The following COL5A2 variants were observed in gnomAD, a reference collection of about 807,000 sequenced individuals.
The protein encoded by COL5A2 is collagen type V alpha 2 chain.
Under a neutral mutation model 208.2 loss-of-function variants are expected in COL5A2, and 23 were observed. That is an observed-to-expected ratio of 0.11 (90% CI 0.08 to 0.16). COL5A2 has a LOEUF of 0.16. Ranked by LOEUF, COL5A2 falls within the 10% of genes least tolerant of loss-of-function variation. COL5A2 has a pLI of 1.00. For synonymous variants in COL5A2, 625 were observed against 628.5 expected (o/e 0.99, Z 0.08); for missense variants, 1,590 against 1,956.4 (o/e 0.81, Z 3.53).
chr2:189,056,372 G>A (rs1430917043), intron 35 of COL5A2, among the ~76,000 whole-genome samples: 1 of 152,104 alleles, frequency 6.6e-6, no homozygotes, highest in East Asian at 1.9e-4. Flanking sequence ...ATTGTCCTTC[G>A]AGTCTGATTG....
intron 1 of COL5A2, among the ~76,000 whole-genome samples, chr2:189,189,534 A>AATG (rs1350154149): frequency 6.6e-6 from 1 of 152,170 alleles, no homozygotes; most frequent in Non-Finnish European, 1.5e-5. Flanking sequence ...AAATAATAAT[A>AATG]ATAAAATAAA....
the COL5A2 span, among the ~76,000 whole-genome samples, chr2:189,243,173 G>A: frequency 6.6e-6 from 1 of 151,800 alleles, no homozygotes; most frequent in Admixed American, 6.6e-5. Context: ...GAGAGTAGAA[G>A]AACACTGGAA....
intron 1 of COL5A2, among the ~76,000 whole-genome samples, chr2:189,142,252 C>A (rs964743651): frequency 6.6e-6 from 1 of 151,970 alleles, no homozygotes; most frequent in Non-Finnish European, 1.5e-5. Context: ...AACATCTATA[C>A]TTCCCTTGAA....
the COL5A2 span, among the ~76,000 whole-genome samples, chr2:189,262,391 A>G: frequency 1.3e-5 from 2 of 151,934 alleles, no homozygotes; most frequent in Admixed American, 1.3e-4. Flanking sequence ...ACACACATAC[A>G]CACTAGTTTA....
chr2:189,083,273 A>C lies in COL5A2; in HGVS notation c.852+711T>G, dbSNP rs147809060. Among the ~76,000 whole-genome samples the C allele has an allele frequency of 1.1e-4, 16 of 152,278 alleles. No homozygotes were observed. The East Asian group carries it at 2.5e-3, about 24-fold the overall frequency. The stretch of plus-strand genomic sequence containing the variant: ...TTCTAGAAGAGGGCCTAGCAAAGCA[A>C]TTTGAGTGACAAGAGACAGGTGGGT... On this transcript the variant is annotated intron_variant, in intron 12 of 53. Coordinates refer to ENST00000374866, the MANE Select transcript of COL5A2 (RefSeq NM_000393.5).
At chr2:189,248,763 C>A in the COL5A2 span, among the ~76,000 whole-genome samples, 1 of 152,092 alleles carries the variant, frequency 6.6e-6, no homozygotes, top group African/African-American at 2.4e-5. Context: ...ACCCAATATT[C>A]TTCTGCAATG....
At chr2:189,120,610 A>G (rs1266437643) in intron 1 of COL5A2, among the ~76,000 whole-genome samples, 1 of 152,194 alleles carries the variant, frequency 6.6e-6, no homozygotes, top group Admixed American at 6.5e-5. Flanking sequence ...TATATCATCT[A>G]TTGATTCTCC....
At chr2:189,368,083 G>A in the COL5A2 span, among the ~76,000 whole-genome samples, 1 of 152,008 alleles carries the variant, frequency 6.6e-6, no homozygotes, top group Non-Finnish European at 1.5e-5. Context: ...ACAAATAATT[G>A]TGTTTCTTTT....
chr2:189,042,301 C>G (rs1000816762), intron 49 of COL5A2, among the ~76,000 whole-genome samples: 10 of 152,212 alleles, frequency 6.6e-5, no homozygotes, highest in African/African-American at 2.4e-4. Flanking sequence ...TTATTTACTT[C>G]CAAATTAGCT....
intron 1 of COL5A2, among the ~76,000 whole-genome samples, chr2:189,149,772 C>A (rs1357801219): frequency 6.6e-6 from 1 of 152,116 alleles, no homozygotes; most frequent in African/African-American, 2.4e-5. Context: ...TGTTTGGAAG[C>A]CTAGCATTAG....
chr2:189,313,310 C>T, the COL5A2 span, among the ~76,000 whole-genome samples: 8 of 152,078 alleles, frequency 5.3e-5, no homozygotes, highest in Admixed American at 1.3e-4. Flanking sequence ...TCCATGAGAA[C>T]GTTCCCAACC....
intron 1 of COL5A2, among the ~76,000 whole-genome samples, chr2:189,197,690 C>T (rs1160757929): frequency 6.6e-6 from 1 of 151,738 alleles, no homozygotes; most frequent in Non-Finnish European, 1.5e-5. Flanking sequence ...AAAAAAGTAG[C>T]CAACTGTGAG....
At chr2:189,035,812 A>G (rs973065084) in intron 52 of COL5A2, among the ~76,000 whole-genome samples, 1 of 152,094 alleles carries the variant, frequency 6.6e-6, no homozygotes, top group Non-Finnish European at 1.5e-5. Flanking sequence ...ATTTCTAGGA[A>G]AAGGTCAGAA....
chr2:189,112,996 T>C (rs1436111105), intron 1 of COL5A2, among the ~76,000 whole-genome samples: 1 of 152,174 alleles, frequency 6.6e-6, no homozygotes, highest in Non-Finnish European at 1.5e-5. Flanking sequence ...GAGAAGGAAA[T>C]ATCCACTTAC....
At chr2:189,207,949 T>C (rs1024209619) in intron 1 of COL5A2, among the ~76,000 whole-genome samples, 2 of 152,236 alleles carry the variant, frequency 1.3e-5, no homozygotes. Flanking sequence ...ATTGTTAAAG[T>C]TATTAAAAAT....
At chr2:189,370,447 C>T in the COL5A2 span, among the ~76,000 whole-genome samples, 2 of 152,148 alleles carry the variant, frequency 1.3e-5, no homozygotes, top group Admixed American at 6.6e-5. Context: ...ATTATATAAA[C>T]TTGTCATAAC....
intron 2 of COL5A2, among the ~76,000 whole-genome samples, chr2:189,108,323 C>G (rs967200306): frequency 1.3e-5 from 2 of 151,616 alleles, no homozygotes; most frequent in Non-Finnish European, 3.0e-5. Context: ...AAACAATAAC[C>G]CCACAGAAAT....
chr2:189,160,503 TA>T (rs1223086241), intron 1 of COL5A2, among the ~76,000 whole-genome samples: 2 of 152,064 alleles, frequency 1.3e-5, no homozygotes, highest in Admixed American at 6.6e-5. Context: ...GAAAATAAAA[TA>T]AAACAAAAAT....
chr2:189,052,288 CTGGGATT>C lies in COL5A2; in HGVS notation c.2716-70_2716-64del. On this transcript the variant is annotated intron_variant, in intron 40 of 53. Coordinates refer to ENST00000374866, the MANE Select transcript of COL5A2 (RefSeq NM_000393.5). ...ATATAAATTAGTTACATGTATTTTC[CTGGGATT>C]TTTTTTCACAGGAAGACTGAAGCCT... 2.6e-6 allele frequency: 4 copies of C among 1,514,978 alleles called. No homozygotes were observed. In the South Asian group the frequency reaches 4.5e-5, roughly 17 times the overall value. The allele number at this position is 1,514,978 out of a possible 1,614,324, so 93.8% of individuals were successfully genotyped here. A position where few individuals can be genotyped will look rare whatever the true frequency, so the allele number is the denominator to read the frequency against.
Sources: gnomAD v4.1 joint callset for allele counts (sites outside exome capture counted in the v4.1 genomes callset) on GRCh38, gnomAD v4.1.1 for gene constraint, MANE v1.5 for transcripts, NCBI Gene and HGNC (gene_info 2026-07-23, HGNC 2026-07-21) for gene names.